Variants in LRRK1 observed in about 807,000 individuals in gnomAD.
The protein encoded by LRRK1 is leucine rich repeat kinase 1.
In LRRK1, 113 loss-of-function variants were observed where a neutral mutation model predicts 209.1. The ratio of observed to expected loss-of-function variants is 0.54; its 90% CI spans 0.46 to 0.63. LRRK1 has a LOEUF of 0.63. Among genes scored for constraint, LRRK1 ranks in the 30% least tolerant of loss-of-function variants. The pLI, the probability that LRRK1 is intolerant of heterozygous loss-of-function variation, is 0.00. For missense variants in LRRK1, 2,284 were observed against 2,632.2 expected, an observed-to-expected ratio of 0.87 and a Z score of 2.89; for synonymous variants, 1,144 against 1,099.7, an observed-to-expected ratio of 1.04 and a Z score of -0.80.
intron 2 of LRRK1, among the ~76,000 whole-genome samples, chr15:100,960,409 C>T (rs1486382008): frequency 6.6e-6 from 1 of 151,644 alleles, no homozygotes; most frequent in Non-Finnish European, 1.5e-5. Context: ...AATCATCTTC[C>T]CCAAAATCGG....
At chr15:100,941,436 G>C (rs76832971) in intron 2 of LRRK1, among the ~76,000 whole-genome samples, 596 of 8,580 alleles carry the variant, frequency 0.069, 60 homozygotes, top group Middle Eastern at 0.17. Flanking sequence ...GTCTGTGTGT[G>C]TGTGTGTGTC....
At chr15:101,007,986 G>T (rs2033041695) in intron 6 of LRRK1, among the ~76,000 whole-genome samples, 1 of 151,726 alleles carries the variant, frequency 6.6e-6, no homozygotes, top group Admixed American at 6.6e-5. Context: ...GTGAAACACC[G>T]TCTCTAATAA....
intron 2 of LRRK1, among the ~76,000 whole-genome samples, chr15:100,962,145 A>G (rs1407733241): frequency 6.7e-6 from 1 of 149,708 alleles, no homozygotes; most frequent in Non-Finnish European, 1.5e-5. Context: ...TGCTGGACAT[A>G]CTTCATCTTT....
chr15:101,055,325 C>G, intron 27 of LRRK1, 102 bp downstream of exon 27: 2 of 1,149,000 alleles, frequency 1.7e-6, no homozygotes, highest in Non-Finnish European at 2.3e-6. Flanking sequence ...GGCTCAGCAT[C>G]CCCAAAAGCA....
At chr15:101,016,650 G>A (rs2033552244) in intron 12 of LRRK1, among the ~76,000 whole-genome samples, 1 of 152,202 alleles carries the variant, frequency 6.6e-6, no homozygotes, top group Non-Finnish European at 1.5e-5. Context: ...TTCAATCCAT[G>A]GCATAGGGAC....
chr15:100,989,590 G>A (rs1352985909), intron 6 of LRRK1, 192 bp downstream of exon 6: 3 of 611,292 alleles, frequency 4.9e-6, no homozygotes, highest in Non-Finnish European at 8.6e-6. Flanking sequence ...GAGGGCAAGA[G>A]ACCAACAGAC....
intron 2 of LRRK1, among the ~76,000 whole-genome samples, chr15:100,956,801 AT>A (rs2042776792): frequency 6.6e-6 from 1 of 151,676 alleles, no homozygotes; most frequent in Non-Finnish European, 1.5e-5. Context: ...TATTTCGTTT[AT>A]TTCTGCTCTA....
intron 21 of LRRK1, among the ~76,000 whole-genome samples, chr15:101,047,552 C>T (rs926592868): frequency 6.6e-6 from 1 of 152,246 alleles, no homozygotes; most frequent in Non-Finnish European, 1.5e-5. Flanking sequence ...GAAAGAAGTC[C>T]TATTGAAATT....
chr15:101,031,592 CAT>C (rs2034285234), intron 20 of LRRK1, among the ~76,000 whole-genome samples: 1 of 152,178 alleles, frequency 6.6e-6, no homozygotes, highest in Non-Finnish European at 1.5e-5. Flanking sequence ...TTTGGAGACA[CAT>C]GTTTTCATTT....
intron 4 of LRRK1, 128 bp downstream of exon 4, chr15:100,983,827 C>T (rs1227961796): frequency 1.0e-6 from 1 of 971,030 alleles, no homozygotes; most frequent in African/African-American, 1.6e-5. Flanking sequence ...AGGCCATTGA[C>T]ACCCAAACAA....
At chr15:101,057,623 A>G (rs181992743) in intron 28 of LRRK1, among the ~76,000 whole-genome samples, 1 of 152,286 alleles carries the variant, frequency 6.6e-6, no homozygotes, top group East Asian at 1.9e-4. Context: ...CTGAGGCAGG[A>G]GGATCACTTG....
At chr15:101,057,554 A>G (rs945067416) in intron 28 of LRRK1, among the ~76,000 whole-genome samples, 1 of 152,230 alleles carries the variant, frequency 6.6e-6, no homozygotes, top group African/African-American at 2.4e-5. Context: ...TCTTTAGAAG[A>G]ACGCATGTCC....
chr15:101,044,139 C>G (rs7169323), intron 20 of LRRK1: 57,505 of 152,158 alleles, frequency 0.38, 11,416 homozygotes, highest in South Asian at 0.44. Context: ...ATCCCTGGAT[C>G]TGTGCAAACA....
At chr15:101,053,448 C>T (rs761254896) in intron 26 of LRRK1, 28 bp downstream of exon 26, 20 of 1,539,974 alleles carry the variant, frequency 1.3e-5, no homozygotes, top group Non-Finnish European at 1.6e-5. Context: ...CCCACCCGGC[C>T]CCGGAGACCG....
intron 13 of LRRK1, 85 bp from the exon 14 acceptor site, chr15:101,021,760 G>A (rs1596285407): frequency 1.0e-6 from 1 of 955,598 alleles, no homozygotes; most frequent in East Asian, 2.5e-5. Context: ...GAGGCTGACA[G>A]GAGCCACGTG....
At chr15:101,053,465 C>T in intron 26 of LRRK1, 45 bp downstream of exon 26, 1 of 1,494,078 alleles carries the variant, frequency 6.7e-7, no homozygotes. Flanking sequence ...ACCGACAGAG[C>T]CCCGGGCGCC....
intron 2 of LRRK1, among the ~76,000 whole-genome samples, chr15:100,947,009 C>T (rs534400610): frequency 6.6e-6 from 1 of 152,050 alleles, no homozygotes; most frequent in African/African-American, 2.4e-5. Context: ...CCTGCTCTGT[C>T]ACCAGGCTGG....
chr15:100,919,478 C>G lies in LRRK1; in HGVS notation c.-123+27C>G, dbSNP rs963465950. On this transcript the variant is annotated intron_variant, in intron 1 of 33. Transcript: ENST00000388948. The surrounding 1 kb of genome is among the most constrained non-coding windows in gnomAD (Gnocchi z 5.8). ...TAAGCGCCGCTCCTGCCGGCGCCCC[C>G]CGGCGGCCTGGCTGCCTCCCGGCCC... The G allele has an allele frequency of 6.8e-6, 1 of 147,806 alleles. No individual in the cohort carries two copies. The highest frequency in any genetic ancestry group is 2.4e-5 in the African/African-American group (1 of 40,956). The allele number at this position is 147,806 out of a possible 1,614,324, so 9.2% of individuals were successfully genotyped here. A position where few individuals can be genotyped will look rare whatever the true frequency, so the allele number is the denominator to read the frequency against.
In LRRK1 at chr15:101,075,734, T is replaced by A. The variant is rs1056670826; in HGVS notation, c.*6886T>A. The stretch of plus-strand genomic sequence containing the variant: ...TCCACCCCATGGTGTCAAACCCATA[T>A]ACTCTCCTATCCTCAATACCTCACT... On this transcript the variant is annotated 3_prime_UTR_variant, in exon 34 of 34. Transcript: ENST00000388948. The A allele has an allele frequency of 6.6e-6, 1 of 151,820 alleles. No homozygotes were observed. The highest frequency in any genetic ancestry group is 1.9e-4 in the East Asian group (1 of 5,174). 9.4% of individuals were successfully genotyped at this position (151,820 alleles called of 1,614,324 possible).
Sources: gnomAD v4.1 joint callset for allele counts (sites outside exome capture counted in the v4.1 genomes callset) on GRCh38, gnomAD v4.1.1 for gene constraint, Gnocchi (gnomAD v3.1) non-coding constraint, MANE v1.5 for transcripts, NCBI Gene and HGNC (gene_info 2026-07-23, HGNC 2026-07-21) for gene names.